The following DPP10 variants were observed in gnomAD, a reference collection of about 807,000 sequenced individuals.
DPP10 encodes the protein inactive dipeptidyl peptidase 10.
In DPP10, 33 loss-of-function variants were observed where a neutral mutation model predicts 120.9. The observed-to-expected ratio is 0.27, with a 90% CI of 0.21 to 0.37. DPP10 has a LOEUF of 0.37. Among genes scored for constraint, DPP10 ranks in the 10% least tolerant of loss-of-function variants. DPP10 has a pLI of 1.00. For synonymous variants in DPP10, 337 were observed against 326.1 expected, an observed-to-expected ratio of 1.03 and a Z score of -0.36; for missense variants, 816 against 942.8, an observed-to-expected ratio of 0.87 and a Z score of 1.76.
At chr2:115,772,797 G>T (rs746776216) in intron 13 of DPP10, among the ~76,000 whole-genome samples, 1 of 152,116 alleles carries the variant, frequency 6.6e-6, no homozygotes, top group Non-Finnish European at 1.5e-5. Context: ...TTTATCAAAG[G>T]TATAGCACCT....
intron 4 of DPP10, among the ~76,000 whole-genome samples, chr2:115,513,793 G>C (rs1035395530): frequency 4.6e-5 from 7 of 151,968 alleles, no homozygotes; most frequent in African/African-American, 1.7e-4. Context: ...TAAGAAAGGA[G>C]TTACAAGCAA....
chr2:114,674,187 T>C (rs1201554572), intron 1 of DPP10, among the ~76,000 whole-genome samples: 1 of 152,064 alleles, frequency 6.6e-6, no homozygotes, highest in African/African-American at 2.4e-5. Context: ...TTCTTCCAGG[T>C]TTTTGTTATA....
chr2:115,586,376 G>A (rs6542270), intron 5 of DPP10, among the ~76,000 whole-genome samples: 150,583 of 152,304 alleles, frequency 0.99, 74,468 homozygotes, highest in East Asian at 1. Context: ...GACAGCAAAT[G>A]TTCTTAGAAA....
At chr2:114,650,231 GT>G (rs1696478397) in intron 1 of DPP10, among the ~76,000 whole-genome samples, 1 of 152,104 alleles carries the variant, frequency 6.6e-6, no homozygotes, top group South Asian at 2.1e-4. Flanking sequence ...AAGAAAGGTG[GT>G]TTTGGGAGAT....
chr2:115,122,611 C>G (rs936319893), intron 1 of DPP10, among the ~76,000 whole-genome samples: 3 of 152,216 alleles, frequency 2.0e-5, no homozygotes, highest in African/African-American at 7.2e-5. Flanking sequence ...TCTTTGTTGC[C>G]ACACAATGCA....
chr2:115,639,933 T>C (rs970885751), intron 5 of DPP10, among the ~76,000 whole-genome samples: 1 of 151,192 alleles, frequency 6.6e-6, no homozygotes, highest in African/African-American at 2.4e-5. Context: ...ATATAAGTGA[T>C]TTTTTTTTAA....
rs778592374 is a variant in DPP10, at chr2:115,712,540, T to TTTTATATATATATATATATATA, written c.577-15275_577-15274insTTATATATATATATATATATAT. 4.3e-3 allele frequency among the ~76,000 whole-genome samples: 77 copies of TTTTATATATATATATATATATA among 18,052 alleles called. 1 individual carries two copies. Among genetic ancestry groups the TTTTATATATATATATATATATA allele is most frequent in the East Asian group, 0.011 (3 of 280 alleles). 11.8% of individuals were successfully genotyped at this position (18,052 alleles called of 152,430 possible). On this transcript the variant is annotated intron_variant, in intron 7 of 25. Transcript: ENST00000410059. ...AGAAATAGCTTTGAAGAGTCCTGAATTAAATATATATATATATATATATAT... is the reference window on the plus strand; with the variant it reads ...AGAAATAGCTTTGAAGAGTCCTGAATTTTATATATATATATATATATATAAATATATATATATATATATATAT...
chr2:115,201,640 CT>C (rs1367398140), intron 1 of DPP10, among the ~76,000 whole-genome samples: 3 of 152,130 alleles, frequency 2.0e-5, no homozygotes, highest in Non-Finnish European at 4.4e-5. Flanking sequence ...AAGAATGATT[CT>C]TTGTCAAGTA....
intron 3 of DPP10, among the ~76,000 whole-genome samples, chr2:115,441,817 C>CTTTTTTTTTTTTTTTT (rs561102084): frequency 5.6e-5 from 7 of 124,476 alleles, no homozygotes; most frequent in African/African-American, 1.3e-4. Flanking sequence ...TTCTTTCTTT[C>CTTTTTTTTTTTTTTTT]TTTTTTTTTT....
At chr2:114,820,119 A>G (rs1685967886) in intron 1 of DPP10, among the ~76,000 whole-genome samples, 1 of 152,222 alleles carries the variant, frequency 6.6e-6, no homozygotes, top group South Asian at 2.1e-4. Flanking sequence ...TCAAAAACAC[A>G]TTTATCCCGA....
At chr2:115,193,553 G>A (rs940183770) in intron 1 of DPP10, among the ~76,000 whole-genome samples, 5 of 152,326 alleles carry the variant, frequency 3.3e-5, no homozygotes, top group South Asian at 2.1e-4. Context: ...TTATTTATAC[G>A]TGGGTGATTA....
chr2:115,126,544 C>G (rs924162658), intron 1 of DPP10, among the ~76,000 whole-genome samples: 1 of 152,006 alleles, frequency 6.6e-6, no homozygotes, highest in Non-Finnish European at 1.5e-5. Flanking sequence ...AAGAGTATCA[C>G]CTGGATAAGA....
intron 5 of DPP10, among the ~76,000 whole-genome samples, chr2:115,542,995 G>A (rs1050463316): frequency 6.6e-6 from 1 of 151,898 alleles, no homozygotes; most frequent in Non-Finnish European, 1.5e-5. Flanking sequence ...TGTTGTGTCA[G>A]TGTTGTCAAA....
chr2:114,668,008 AT>A (rs900006685), intron 1 of DPP10, among the ~76,000 whole-genome samples: 28 of 148,058 alleles, frequency 1.9e-4, no homozygotes, highest in Admixed American at 2.0e-4. Context: ...GAAAGAAAAC[AT>A]TTTTTTTTTT....
intron 1 of DPP10, among the ~76,000 whole-genome samples, chr2:114,718,511 G>A (rs1701501402): frequency 6.7e-6 from 1 of 150,278 alleles, no homozygotes; most frequent in Admixed American, 6.7e-5. Context: ...GATATAGATT[G>A]TTTCCATCAT....
At chr2:115,446,069 C>G (rs1019291322) in intron 3 of DPP10, among the ~76,000 whole-genome samples, 4 of 152,138 alleles carry the variant, frequency 2.6e-5, no homozygotes, top group African/African-American at 9.7e-5. Context: ...CCCAGCTGCT[C>G]CAGCTCCAGC....
intron 1 of DPP10, among the ~76,000 whole-genome samples, chr2:114,800,066 T>C (rs1286865654): frequency 6.6e-5 from 10 of 152,218 alleles, no homozygotes; most frequent in Non-Finnish European, 1.5e-4. Context: ...GGTACTTTAG[T>C]TGTTTATTTC....
intron 1 of DPP10, among the ~76,000 whole-genome samples, chr2:115,215,065 T>C (rs992865332): frequency 1.6e-4 from 24 of 152,336 alleles, no homozygotes; most frequent in African/African-American, 5.8e-4. Context: ...TCTGTATTTT[T>C]ACTTCATACA....
intron 5 of DPP10, among the ~76,000 whole-genome samples, chr2:115,570,958 G>A (rs2081302584): frequency 6.6e-6 from 1 of 152,154 alleles, no homozygotes; most frequent in Non-Finnish European, 1.5e-5. Flanking sequence ...ACCACCACAG[G>A]ACGGAGAGGG....
Sources: allele counts gnomAD v4.1 joint callset (sites outside exome capture counted in the v4.1 genomes callset), GRCh38; gene constraint gnomAD v4.1.1; transcripts MANE v1.5; gene names NCBI Gene and HGNC (gene_info 2026-07-23, HGNC 2026-07-21).